The following EDN2 variants were observed in gnomAD, a reference collection of about 807,000 sequenced individuals.
EDN2 encodes the protein endothelin 2.
A neutral mutation model predicts 19.9 loss-of-function variants in EDN2; 10 were observed. That is an observed-to-expected ratio of 0.50 (90% CI 0.31 to 0.85). The LOEUF (loss-of-function observed/expected upper bound fraction) is 0.85. Among genes scored for constraint, EDN2 ranks in the 40% least tolerant of loss-of-function variants. The pLI is 0.05. For missense variants in EDN2, 222 were observed against 239.3 expected, an observed-to-expected ratio of 0.93 and a Z score of 0.48; for synonymous variants, 84 against 94.9, an observed-to-expected ratio of 0.89 and a Z score of 0.67.
intron 4 of EDN2, 28 bp from the exon 5 acceptor site, chr1:41,479,530 A>T (rs2149036680): frequency 6.3e-7 from 1 of 1,590,498 alleles, no homozygotes; most frequent in Non-Finnish European, 8.6e-7. Flanking sequence ...TCAACTTAGC[A>T]TCTCAGGAGA....
intron 4 of EDN2, chr1:41,480,826 T>C (rs1292062823): frequency 1.6e-6 from 1 of 625,512 alleles, no homozygotes; most frequent in African/African-American, 1.8e-5. Context: ...ACAACTGTGG[T>C]CCTTCCCAGT....
intron 4 of EDN2, chr1:41,480,800 A>G (rs1289039428): frequency 1.2e-5 from 7 of 576,272 alleles, no homozygotes; most frequent in South Asian, 1.1e-4. Flanking sequence ...TGCTCCATTC[A>G]GCACAGCCTG....
intron 3 of EDN2, 70 bp downstream of exon 3, chr1:41,482,396 A>G: frequency 6.8e-7 from 1 of 1,467,566 alleles, no homozygotes; most frequent in Non-Finnish European, 9.0e-7. Flanking sequence ...AGTCTCCCAG[A>G]CACCTGCTCC....
At position 41,479,296 on chromosome 1, in the gene EDN2, C is replaced by A; in HGVS notation, c.*113G>T. 1 of 943,974 alleles carries A rather than the reference C, an allele frequency of 1.1e-6. No homozygotes were observed. The highest frequency in any genetic ancestry group is 1.4e-5 in the South Asian group (1 of 72,292). The allele number at this position is 943,974 out of a possible 1,614,324, so 58.5% of individuals were successfully genotyped here. On this transcript the variant is annotated 3_prime_UTR_variant, in exon 5 of 5. Transcript: ENST00000372587. Reference sequence around the variant, plus strand: ...AATCCTGGCAAATGGGTCCAGCTGTCTGGGACCAAGGCCCCGGTCCAGGAA... The same window carrying A: ...AATCCTGGCAAATGGGTCCAGCTGTATGGGACCAAGGCCCCGGTCCAGGAA...
At chr1:41,480,056 A>G (rs1644234023) in intron 4 of EDN2, among the ~76,000 whole-genome samples, 2 of 152,310 alleles carry the variant, frequency 1.3e-5, no homozygotes, top group African/African-American at 4.8e-5. Context: ...TTGGGCAACA[A>G]TCTCAGCCTC....
chr1:41,479,543 T>C (rs1644229738), intron 4 of EDN2, 41 bp from the exon 5 acceptor site: 2 of 1,569,140 alleles, frequency 1.3e-6, no homozygotes, highest in Non-Finnish European at 1.8e-6. Flanking sequence ...TCAGGAGATA[T>C]GGACTGTCCA....
intron 2 of EDN2, chr1:41,483,722 C>A (rs771672072): frequency 4.3e-6 from 1 of 229,928 alleles, no homozygotes; most frequent in Admixed American, 5.1e-5. Context: ...ATTCCCCAAC[C>A]GAGGATGGTG....
Position 41,481,120 on chromosome 1 carries a change from T to C in EDN2, c.418A>G (p.Thr140Ala), listed in dbSNP as rs373524087. 1.7e-5 allele frequency: 27 copies of C among 1,613,972 alleles called. No homozygotes were observed. The highest frequency in any genetic ancestry group is 4.5e-5 in the East Asian group (2 of 44,898). Residue 140 changes from threonine (T) to alanine (A), a missense_variant, in exon 4 of 5, where the codon ACA becomes GCA. Transcript: ENST00000372587. ...VFQTGKTGAT[T>A]GELLQRLRDI... Reference sequence around the variant, plus strand: ...CTCAGCCTTTGGAGAAGCTCTCCTGTAGTGGCCCCTGTCTTGCCAGTCTGG... The same window carrying C: ...CTCAGCCTTTGGAGAAGCTCTCCTGCAGTGGCCCCTGTCTTGCCAGTCTGG...
chr1:41,481,726 A>G (rs1644249472), intron 3 of EDN2, among the ~76,000 whole-genome samples: 1 of 152,006 alleles, frequency 6.6e-6, no homozygotes, highest in Admixed American at 6.5e-5. Flanking sequence ...TTTTTAGTAG[A>G]GACAGGGTTT....
rs754563700 is a variant in EDN2 at position 41,479,440 on chromosome 1, C to G, written c.506G>C (p.Arg169Pro). ...KRQQEAMREPRSTHSRWRKR is the reference protein window; with the variant it reads ...KRQQEAMREPPSTHSRWRKR The stretch of plus-strand genomic sequence containing the variant: ...CTTCCTCCACCTGGAATGTGTGGAC[C>G]GAGGCTCCCGCATGGCCTCCTGTTG... The change falls in exon 5 of 5, where the codon CGG (arginine) becomes CCG (proline). Residue 169 changes from arginine to proline, a missense_variant. Arg to Pro is a moderately radical substitution (Grantham distance 103). Transcript: ENST00000372587. 5 of 1,614,078 alleles carry G rather than the reference C, an allele frequency of 3.1e-6. No individual in the cohort carries two copies. The South Asian group carries it at 3.3e-5, about 11-fold the overall frequency.
At chr1:41,482,785 C>A in intron 2 of EDN2, 197 bp from the exon 3 acceptor site, 1 of 595,542 alleles carries the variant, frequency 1.7e-6, no homozygotes, top group East Asian at 3.9e-5. Context: ...AGAAGTCACA[C>A]CACTGAAGTC....
rs1049539130 is a variant in EDN2 at position 41,482,532 on chromosome 1, G to A, written c.278C>T (p.Pro93Leu). The change falls in exon 3 of 5, where the codon CCA (proline) becomes CTA (leucine). Residue 93 changes from proline to leucine, a missense_variant. By Grantham distance (98) the Pro-to-Leu change is moderately conservative. Transcript: ENST00000372587. Reference protein sequence around the residue: ...NPPRRRRRSLPRRCQCSSARD... With the variant: ...NPPRRRRRSLLRRCQCSSARD... ...GGCACTGGAGCACTGACAGCGCCTT[G>A]GCAGGGAGCGGCGCCGGCGTCTTGG... 1 of 1,591,688 alleles carries A rather than the reference G, an allele frequency of 6.3e-7. No individual in the cohort carries two copies. The highest frequency in any genetic ancestry group is 8.5e-7 in the Non-Finnish European group (1 of 1,170,980).
chr1:41,479,554 A>G (rs1039231459), intron 4 of EDN2, 52 bp from the exon 5 acceptor site: 2 of 1,521,486 alleles, frequency 1.3e-6, no homozygotes, highest in Non-Finnish European at 1.8e-6. Flanking sequence ...GGACTGTCCA[A>G]GAGCTCCCCA....
chr1:41,483,996 T>C (rs1464373697), intron 2 of EDN2, 51 bp downstream of exon 2: 1 of 1,533,400 alleles, frequency 6.5e-7, no homozygotes, highest in Admixed American at 2.0e-5. Context: ...GCTTCCACCC[T>C]GACACCCTGC....
At chr1:41,483,639 G>A (rs773830672) in intron 2 of EDN2, 4 of 175,114 alleles carry the variant, frequency 2.3e-5, no homozygotes, top group Non-Finnish European at 3.6e-5. Flanking sequence ...GTCAAAGCAC[G>A]GGTGCTGTCA....
intron 3 of EDN2, among the ~76,000 whole-genome samples, 185 bp downstream of exon 3, chr1:41,482,281 A>T (rs1465437147): frequency 6.6e-6 from 1 of 152,172 alleles, no homozygotes; most frequent in East Asian, 1.9e-4. Context: ...GGAGGCCCCC[A>T]TGGGTGACTG....
chr1:41,483,908 CTA>C (rs1644269011), intron 2 of EDN2, 137 bp downstream of exon 2: 1 of 880,022 alleles, frequency 1.1e-6, no homozygotes, highest in Non-Finnish European at 1.7e-6. Flanking sequence ...AAACAATTAA[CTA>C]TTGATATTAG....
At chr1:41,482,344 G>T in intron 3 of EDN2, 122 bp downstream of exon 3, 1 of 1,224,576 alleles carries the variant, frequency 8.2e-7, no homozygotes, top group Non-Finnish European at 1.1e-6. Flanking sequence ...GTGGGCCCCT[G>T]GGTCGCTTCT....
chr1:41,484,650 C>T lies in EDN2; in HGVS notation c.-49G>A. The T allele has an allele frequency of 6.5e-7, 1 of 1,545,944 alleles. No individual in the cohort carries two copies. Among genetic ancestry groups the T allele is most frequent in the South Asian group, 1.2e-5 (1 of 83,676 alleles). The stretch of plus-strand genomic sequence containing the variant: ...GGACTGGAGCAGGGAGTGCCTGTTG[C>T]CAGCGTCCTGCTATTAAGCTGAGCA... On this transcript the variant is annotated 5_prime_UTR_variant, in exon 1 of 5. Coordinates refer to ENST00000372587, the MANE Select transcript of EDN2 (RefSeq NM_001956.5).
Sources: allele counts gnomAD v4.1 joint callset (sites outside exome capture counted in the v4.1 genomes callset), GRCh38; gene constraint gnomAD v4.1.1; transcripts MANE v1.5; gene names NCBI Gene and HGNC (gene_info 2026-07-23, HGNC 2026-07-21).